Variants in USP54 observed in about 807,000 individuals in gnomAD.
USP54 encodes ubiquitin specific peptidase 54.
USP54 carries 87 observed loss-of-function variants against 170.5 expected under a neutral mutation model. The observed-to-expected ratio is 0.51, with a 90% CI of 0.43 to 0.61. The LOEUF (loss-of-function observed/expected upper bound fraction) is 0.61, where lower values mean the gene tolerates loss of function less well. Among genes scored for constraint, USP54 ranks in the 20% least tolerant of loss-of-function variants. USP54 has a pLI of 0.00. For missense variants in USP54, 1,786 were observed against 2,047.8 expected, an observed-to-expected ratio of 0.87 and a Z score of 2.47; for synonymous variants, 655 against 742.8, an observed-to-expected ratio of 0.88 and a Z score of 1.92.
intron 20 of USP54, among the ~76,000 whole-genome samples, chr10:73,510,954 A>G (rs544424285): frequency 6.6e-6 from 1 of 152,332 alleles, no homozygotes; most frequent in South Asian, 2.1e-4. Context: ...CACATACTGC[A>G]TGATTCCATT....
chr10:73,580,211 G>A (rs1160938929), intron 1 of USP54, among the ~76,000 whole-genome samples: 1 of 151,338 alleles, frequency 6.6e-6, no homozygotes, highest in Non-Finnish European at 1.5e-5. Flanking sequence ...CCAGCTCCTA[G>A]GGGGCATTGA....
intron 17 of USP54, among the ~76,000 whole-genome samples, chr10:73,521,936 T>A (rs2061966422): frequency 6.6e-6 from 1 of 152,200 alleles, no homozygotes; most frequent in African/African-American, 2.4e-5. Flanking sequence ...TACTTACTCA[T>A]AATCATACAT....
intron 1 of USP54, among the ~76,000 whole-genome samples, chr10:73,621,635 A>G (rs938477938): frequency 5.3e-5 from 8 of 151,716 alleles, no homozygotes; most frequent in African/African-American, 1.9e-4. Flanking sequence ...GTATGAAAAT[A>G]TGTTTGACTA....
intron 1 of USP54, among the ~76,000 whole-genome samples, chr10:73,602,478 A>G (rs2079245673): frequency 6.6e-6 from 1 of 151,848 alleles, no homozygotes; most frequent in South Asian, 2.1e-4. Context: ...GCGTGAACCC[A>G]GGAGGCAGAG....
intron 2 of USP54, 39 bp from the exon 3 acceptor site, chr10:73,575,714 A>C: frequency 4.6e-6 from 7 of 1,508,238 alleles, no homozygotes; most frequent in Non-Finnish European, 6.2e-6. Flanking sequence ...CCTTTTTGGC[A>C]GGAATTTCTG....
chr10:73,571,137 CA>C (rs59126730), intron 4 of USP54, among the ~76,000 whole-genome samples: 396 of 44,318 alleles, frequency 8.9e-3, no homozygotes, highest in Non-Finnish European at 0.017. Context: ...GACTTCATCC[CA>C]AAAAAAAAAA....
chr10:73,519,709 G>T, intron 19 of USP54, 88 bp downstream of exon 19: 4 of 1,570,984 alleles, frequency 2.5e-6, no homozygotes, highest in South Asian at 1.2e-5. Context: ...CCCTTCAGTC[G>T]CCAAGACAAT....
chr10:73,535,300 T>C (rs1036026088), intron 11 of USP54, among the ~76,000 whole-genome samples: 2 of 152,122 alleles, frequency 1.3e-5, no homozygotes, highest in Non-Finnish European at 2.9e-5. Context: ...TCTGAATACC[T>C]AGCTGAGATA....
chr10:73,575,696 G>T, intron 2 of USP54, 21 bp from the exon 3 acceptor site: 2 of 1,527,430 alleles, frequency 1.3e-6, no homozygotes, highest in Non-Finnish European at 1.8e-6. Flanking sequence ...AATGGAGAAG[G>T]ATTTGTGCCT....
intron 1 of USP54, among the ~76,000 whole-genome samples, chr10:73,613,132 C>CTTTT (rs967595386): frequency 7.8e-6 from 1 of 127,414 alleles, no homozygotes; most frequent in African/African-American, 3.0e-5. Flanking sequence ...ATTCCAGCCT[C>CTTTT]TTTTTTTTTT....
chr10:73,624,398 G>GT (rs1554955808), intron 1 of USP54: 2 of 136,728 alleles, frequency 1.5e-5, no homozygotes, highest in Admixed American at 1.5e-4. Context: ...CGGGGGGGGG[G>GT]GGTTTCACCA....
chr10:73,589,176 G>A (rs746492163), intron 1 of USP54, among the ~76,000 whole-genome samples: 4 of 152,182 alleles, frequency 2.6e-5, no homozygotes, highest in Non-Finnish European at 5.9e-5. Context: ...TAAGTTTCAT[G>A]AGACCAATCA....
chr10:73,516,724 T>G lies in USP54; in HGVS notation c.3702A>C (p.Gln1234His). Reference protein sequence around the residue: ...QPRLAEPDIYQEKLSQVRDVR... With the variant: ...QPRLAEPDIYHEKLSQVRDVR... ...CATCTCTCACTTGGGACAGCTTCTC[T>G]TGGTATATGTCTGGCTCTGCCAACC... The change falls in exon 20 of 24, where the codon CAA (glutamine) becomes CAC (histidine). Residue 1234 changes from glutamine (Q) to histidine (H), a missense_variant. Coordinates refer to ENST00000687698, the MANE Select transcript of USP54 (RefSeq NM_001391956.1). 2 of 1,614,192 alleles carry G rather than the reference T, an allele frequency of 1.2e-6. No homozygotes were observed. The highest frequency in any genetic ancestry group is 1.7e-6 in the Non-Finnish European group (2 of 1,180,036).
At chr10:73,621,124 C>T (rs1376949394) in intron 1 of USP54, among the ~76,000 whole-genome samples, 2 of 149,760 alleles carry the variant, frequency 1.3e-5, no homozygotes, top group African/African-American at 2.5e-5. Flanking sequence ...CCACTGCACT[C>T]CGGCCTGGGT....
At chr10:73,539,759 GC>G (rs2066168917) in intron 9 of USP54, among the ~76,000 whole-genome samples, 166 bp from the exon 10 acceptor site, 1 of 152,202 alleles carries the variant, frequency 6.6e-6, no homozygotes, top group African/African-American at 2.4e-5. Flanking sequence ...TTTAACTTCA[GC>G]ACTTTGTGAG....
At chr10:73,499,592 T>A in intron 23 of USP54, 1 of 160,590 alleles carries the variant, frequency 6.2e-6, no homozygotes, top group South Asian at 1.7e-4. Flanking sequence ...TTAAAAAAAA[T>A]AGAGACGGGA....
chr10:73,541,217 C>T lies in USP54; in HGVS notation c.825+158G>A, dbSNP rs2066531990. ...ATAAAAGGAGGTATATGAGCACATA[C>T]CTGCAAGCACGGGTATCTGTACACA... On this transcript the variant is annotated intron_variant, in intron 9 of 23. Coordinates refer to ENST00000687698, the MANE Select transcript of USP54 (RefSeq NM_001391956.1). Among the ~76,000 whole-genome samples, 3 of 152,144 alleles carry T rather than the reference C, an allele frequency of 2.0e-5. No individual in the cohort carries two copies. The South Asian group carries it at 6.2e-4, about 31-fold the overall frequency.
chr10:73,501,888 A>G (rs2058196368), intron 22 of USP54, among the ~76,000 whole-genome samples: 1 of 152,190 alleles, frequency 6.6e-6, no homozygotes, highest in Admixed American at 6.5e-5. Context: ...TTACTTCCTT[A>G]GAGCTGATTT....
chr10:73,573,977 A>C (rs1348624992), intron 3 of USP54, among the ~76,000 whole-genome samples: 1 of 152,226 alleles, frequency 6.6e-6, no homozygotes, highest in Non-Finnish European at 1.5e-5. Flanking sequence ...GTCTTCTCTC[A>C]TAGCAACCCA....
Sources: gnomAD v4.1 joint callset for allele counts (sites outside exome capture counted in the v4.1 genomes callset) on GRCh38, gnomAD v4.1.1 for gene constraint, MANE v1.5 for transcripts, NCBI Gene and HGNC (gene_info 2026-07-23, HGNC 2026-07-21) for gene names.